OSBPL1A: variants seen among roughly 807,000 people sequenced by gnomAD.
OSBPL1A encodes the protein oxysterol binding protein like 1A.
Under a neutral mutation model 137.1 loss-of-function variants are expected in OSBPL1A, and 80 were observed. That is an observed-to-expected ratio of 0.58 (90% CI 0.49 to 0.70). The LOEUF is 0.70. Ranked by LOEUF, OSBPL1A falls within the 30% of genes least tolerant of loss-of-function variation. The probability of loss-of-function intolerance (pLI) is 0.00; values close to 1 mark genes in which losing one functional copy is unlikely to be tolerated. For missense variants in OSBPL1A, 970 were observed against 1,129.4 expected (o/e 0.86, Z 2.02); for synonymous variants, 365 against 389.7 (o/e 0.94, Z 0.75).
Position 24,368,337 on chromosome 18 carries a change from G to A in OSBPL1A, c.157C>T (p.His53Tyr), listed in dbSNP as rs760284237. ...SKSNLGWTPL[H>Y]LACYFGHRQV... ...CTGTGTCCAAAATAGCATGCCAGAT[G>A]TAGAGGTGTCCAGCCCAAGTTAGAC... The change falls in exon 3 of 28, where the codon CAT becomes TAT. Residue 53 changes from histidine to tyrosine, a missense_variant. Transcript: ENST00000319481. 1.9e-6 allele frequency: 3 copies of A among 1,613,760 alleles called. No homozygotes were observed. Among genetic ancestry groups the A allele is most frequent in the East Asian group, 2.2e-5 (1 of 44,864 alleles).
intron 14 of OSBPL1A, among the ~76,000 whole-genome samples, chr18:24,286,377 A>G (rs1383057039): frequency 2.6e-5 from 4 of 152,220 alleles, no homozygotes; most frequent in African/African-American, 9.6e-5. Context: ...TCAAATTAAA[A>G]TGACTACCTT....
intron 1 of OSBPL1A, among the ~76,000 whole-genome samples, chr18:24,392,414 C>T (rs1221587405): frequency 6.6e-6 from 1 of 152,156 alleles, no homozygotes; most frequent in Non-Finnish European, 1.5e-5. Flanking sequence ...CCACCTCGGC[C>T]TCCCATAGTG....
At chr18:24,175,123 T>TAC (rs1201998693) in intron 21 of OSBPL1A, among the ~76,000 whole-genome samples, 7 of 130,948 alleles carry the variant, frequency 5.3e-5, no homozygotes, top group African/African-American at 2.0e-4. Context: ...TATATATATA[T>TAC]ATATATATAT....
At chr18:24,212,103 C>G (rs2087562441) in intron 17 of OSBPL1A, among the ~76,000 whole-genome samples, 1 of 150,782 alleles carries the variant, frequency 6.6e-6, no homozygotes, top group African/African-American at 2.4e-5. Flanking sequence ...TAGTCTCGCT[C>G]TCTTGCCAGG....
intron 14 of OSBPL1A, among the ~76,000 whole-genome samples, chr18:24,302,119 AGCTACTCTGGAG>A (rs2090412476): frequency 6.6e-6 from 1 of 151,828 alleles, no homozygotes; most frequent in African/African-American, 2.4e-5. Flanking sequence ...TGTAGTCCCC[AGCTACTCTGGAG>A]GCTGAGGCAG....
intron 7 of OSBPL1A, among the ~76,000 whole-genome samples, chr18:24,327,292 A>G (rs1183325268): frequency 6.6e-6 from 1 of 151,742 alleles, no homozygotes; most frequent in Non-Finnish European, 1.5e-5. Flanking sequence ...TTTTTAGTAA[A>G]GACAAGGTTT....
chr18:24,233,390 T>C (rs1292337822), intron 16 of OSBPL1A, among the ~76,000 whole-genome samples: 2 of 152,192 alleles, frequency 1.3e-5, no homozygotes, highest in African/African-American at 2.4e-5. Context: ...CCTCCTTTGC[T>C]ACCCATCCCT....
At chr18:24,279,932 C>T (rs370037905) in intron 15 of OSBPL1A, among the ~76,000 whole-genome samples, 3 of 150,276 alleles carry the variant, frequency 2.0e-5, no homozygotes, top group African/African-American at 4.9e-5. Flanking sequence ...CTCTGCCTCC[C>T]GGGTTCAAGT....
chr18:24,390,992 G>C (rs1374125680), intron 1 of OSBPL1A, among the ~76,000 whole-genome samples: 3 of 152,024 alleles, frequency 2.0e-5, no homozygotes, highest in Non-Finnish European at 4.4e-5. Flanking sequence ...CCCAGCTACT[G>C]GGGAGACTGA....
At chr18:24,207,668 T>C (rs2087413898) in intron 17 of OSBPL1A, among the ~76,000 whole-genome samples, 1 of 152,242 alleles carries the variant, frequency 6.6e-6, no homozygotes, top group Admixed American at 6.5e-5. Context: ...ACATGTATAC[T>C]GTTATACGTG....
At position 24,178,033 on chromosome 18, in the gene OSBPL1A, G is replaced by A; in HGVS notation, c.2073C>T (p.Thr691=). The A allele has an allele frequency of 6.2e-7, 1 of 1,613,724 alleles. No individual in the cohort carries two copies. Among genetic ancestry groups the A allele is most frequent in the Non-Finnish European group, 8.5e-7 (1 of 1,179,820 alleles). ...GKSVEAEPKG[T]ITLELLEHNE... ...CTCACTCAAGGAGCTCCAAGGTGAT[G>A]GTTCCTTTGGGTTCTGCTTCTACAC... The change falls in exon 21 of 28, where the codon ACC becomes ACT. Residue 691 remains threonine, a synonymous_variant. Transcript: ENST00000319481.
chr18:24,297,763 T>C (rs1187890648), intron 14 of OSBPL1A, among the ~76,000 whole-genome samples: 1 of 152,216 alleles, frequency 6.6e-6, no homozygotes, highest in African/African-American at 2.4e-5. Context: ...ATATTTGATA[T>C]TACTTCAATT....
At chr18:24,172,509 G>T in intron 21 of OSBPL1A, 26 bp from the exon 22 acceptor site, 1 of 1,504,180 alleles carries the variant, frequency 6.6e-7, no homozygotes, top group Non-Finnish European at 9.2e-7. Flanking sequence ...AAACCCAGAA[G>T]CATAAGTGAG....
intron 1 of OSBPL1A, among the ~76,000 whole-genome samples, chr18:24,380,165 A>G (rs1430045804): frequency 2.0e-5 from 3 of 152,226 alleles, no homozygotes; most frequent in African/African-American, 7.2e-5. Flanking sequence ...CAAAAGTAGG[A>G]GTAGAATAAG....
At chr18:24,222,532 T>C (rs1357076234) in intron 17 of OSBPL1A, among the ~76,000 whole-genome samples, 1 of 152,132 alleles carries the variant, frequency 6.6e-6, no homozygotes, top group Admixed American at 6.5e-5. Context: ...GGCAATAAGC[T>C]CTGTAAATAT....
At chr18:24,242,545 T>C (rs368290607) in intron 15 of OSBPL1A, among the ~76,000 whole-genome samples, 1 of 152,236 alleles carries the variant, frequency 6.6e-6, no homozygotes, top group East Asian at 1.9e-4. Context: ...AAGGCTCTTC[T>C]CTGTTCTGTG....
intron 15 of OSBPL1A, among the ~76,000 whole-genome samples, chr18:24,273,175 T>C (rs1439480825): frequency 1.3e-5 from 2 of 152,254 alleles, no homozygotes; most frequent in Admixed American, 1.3e-4. Flanking sequence ...CCCAAAGTGC[T>C]GGGATTACAG....
At chr18:24,280,236 C>T (rs915686502) in intron 15 of OSBPL1A, among the ~76,000 whole-genome samples, 2 of 152,134 alleles carry the variant, frequency 1.3e-5, no homozygotes, top group Admixed American at 6.5e-5. Flanking sequence ...TGAGCCACCA[C>T]GCCTGGCCTA....
At chr18:24,207,319 G>A (rs2087403659) in intron 17 of OSBPL1A, among the ~76,000 whole-genome samples, 1 of 152,150 alleles carries the variant, frequency 6.6e-6, no homozygotes, top group Admixed American at 6.5e-5. Flanking sequence ...CCTGACCTCA[G>A]GTGATCTGCC....
Sources: allele counts gnomAD v4.1 joint callset (sites outside exome capture counted in the v4.1 genomes callset), GRCh38; gene constraint gnomAD v4.1.1; transcripts MANE v1.5; gene names NCBI Gene and HGNC (gene_info 2026-07-23, HGNC 2026-07-21).